FUT8: variants seen among roughly 807,000 people sequenced by gnomAD.
FUT8 encodes the protein fucosyltransferase 8.
A neutral mutation model predicts 71.3 loss-of-function variants in FUT8; 29 were observed. The ratio of observed to expected loss-of-function variants is 0.41; its 90% CI spans 0.30 to 0.55. The LOEUF (loss-of-function observed/expected upper bound fraction) is 0.55. FUT8 is among the 20% of genes least tolerant of loss of function. The pLI is 0.34. For missense variants in FUT8, 544 were observed against 702.1 expected, an observed-to-expected ratio of 0.77 and a Z score of 2.55; for synonymous variants, 254 against 239.3, an observed-to-expected ratio of 1.06 and a Z score of -0.57.
At chr14:65,457,087 A>G (rs958543037) in intron 2 of FUT8, among the ~76,000 whole-genome samples, 6 of 152,144 alleles carry the variant, frequency 3.9e-5, no homozygotes, top group Non-Finnish European at 8.8e-5. Flanking sequence ...AGTAAGGTTA[A>G]CTATAATCAC....
At chr14:65,616,753 T>TA (rs1301882092) in intron 5 of FUT8, among the ~76,000 whole-genome samples, 2 of 152,222 alleles carry the variant, frequency 1.3e-5, no homozygotes, top group African/African-American at 4.8e-5. Flanking sequence ...GTCCGATGGT[T>TA]ACATTTCTAA....
chr14:65,481,457 T>A (rs913859973), intron 2 of FUT8, among the ~76,000 whole-genome samples: 10 of 152,284 alleles, frequency 6.6e-5, no homozygotes, highest in Non-Finnish European at 1.2e-4. Flanking sequence ...GATTTTTTTT[T>A]AAAACAGCTT....
intron 3 of FUT8, among the ~76,000 whole-genome samples, chr14:65,610,685 A>G (rs1888841433): frequency 6.6e-6 from 1 of 151,888 alleles, no homozygotes; most frequent in Admixed American, 6.6e-5. Flanking sequence ...CACTGCACCC[A>G]GCCATTTCTG....
At chr14:65,386,836 AAT>A in the FUT8 span, among the ~76,000 whole-genome samples, 1 of 96,640 alleles carries the variant, frequency 1.0e-5, no homozygotes. Flanking sequence ...GTCTTCCTTT[AAT>A]TTTTTTTTTT....
intron 10 of FUT8, among the ~76,000 whole-genome samples, chr14:65,739,347 A>G (rs749862576): frequency 6.6e-6 from 1 of 152,080 alleles, no homozygotes; most frequent in Non-Finnish European, 1.5e-5. Context: ...AGTGTCTGAA[A>G]TCTCTACTAT....
chr14:65,538,388 T>A (rs574689596), intron 2 of FUT8, among the ~76,000 whole-genome samples: 18 of 152,304 alleles, frequency 1.2e-4, no homozygotes, highest in Admixed American at 5.9e-4. Context: ...TTCCTCTCTC[T>A]TCACATCAGC....
At chr14:65,402,638 C>T in the FUT8 span, among the ~76,000 whole-genome samples, 1 of 150,634 alleles carries the variant, frequency 6.6e-6, no homozygotes, top group Admixed American at 6.7e-5. Flanking sequence ...TGCACTCCAG[C>T]CTGGGTGACA....
chr14:65,392,984 A>G, the FUT8 span, among the ~76,000 whole-genome samples: 1 of 152,314 alleles, frequency 6.6e-6, no homozygotes, highest in African/African-American at 2.4e-5. Context: ...TTTAATGAGC[A>G]TCTGTATTTT....
rs1015995085 is a variant in FUT8, at chr14:65,643,671, C to T, written c.597+14065C>T. 1.2e-3 allele frequency among the ~76,000 whole-genome samples: 64 copies of T among 55,314 alleles called. 2 individuals are homozygous for T. In the South Asian group the frequency reaches 0.022, roughly 19 times the overall value. 36.3% of individuals were successfully genotyped at this position (55,314 alleles called of 152,430 possible). A position where few individuals can be genotyped will look rare whatever the true frequency, so the allele number is the denominator to read the frequency against. ...TCCGTCTTTAAAAAAAAAATACACA[C>T]ACACACACACACACACACACACACA... On this transcript the variant is annotated intron_variant, in intron 6 of 10. Transcript: ENST00000673929. This position sits in a 1 kb window ranked among gnomAD's most constrained non-coding sequence, Gnocchi z 4.5.
intron 7 of FUT8, among the ~76,000 whole-genome samples, chr14:65,699,076 T>C (rs1377872552): frequency 6.6e-6 from 1 of 151,820 alleles, no homozygotes; most frequent in Non-Finnish European, 1.5e-5. Context: ...ACAGCCCATC[T>C]AATAGAATCT....
chr14:65,718,804 A>G lies in FUT8; in HGVS notation c.836-2971A>G, dbSNP rs182619045. Among the ~76,000 whole-genome samples, 47 of 152,310 alleles carry G rather than the reference A, an allele frequency of 3.1e-4. No homozygotes were observed. The Middle Eastern group carries it at 0.02, about 66-fold the overall frequency. On this transcript the variant is annotated intron_variant, in intron 7 of 10. Coordinates refer to ENST00000673929, the MANE Select transcript of FUT8 (RefSeq NM_001371533.1). Reference sequence around the variant, plus strand: ...GTCATACCACTCTCTTTTGGCCTGTAATGTTTCCACTGAAAAGTCTGCTGT... The same window carrying G: ...GTCATACCACTCTCTTTTGGCCTGTGATGTTTCCACTGAAAAGTCTGCTGT...
the FUT8 span, among the ~76,000 whole-genome samples, chr14:65,394,012 A>C: frequency 6.6e-6 from 1 of 152,178 alleles, no homozygotes; most frequent in Non-Finnish European, 1.5e-5. Flanking sequence ...GCTGAAGTGC[A>C]ATGGCGCAAT....
intron 2 of FUT8, among the ~76,000 whole-genome samples, chr14:65,506,492 ATTTCC>A (rs2066736668): frequency 6.6e-6 from 1 of 152,190 alleles, no homozygotes; most frequent in Non-Finnish European, 1.5e-5. Flanking sequence ...ACTGTTTTTT[ATTTCC>A]TTAGGAAGAA....
At chr14:65,737,125 A>C (rs1247475976) in intron 10 of FUT8, among the ~76,000 whole-genome samples, 2 of 152,134 alleles carry the variant, frequency 1.3e-5, no homozygotes, top group Non-Finnish European at 2.9e-5. Flanking sequence ...TATCTCCCTC[A>C]GTCTCAGGAC....
chr14:65,481,532 G>C (rs1460648301), intron 2 of FUT8, among the ~76,000 whole-genome samples: 2 of 151,868 alleles, frequency 1.3e-5, no homozygotes, highest in Non-Finnish European at 2.9e-5. Context: ...GATTAGTTTT[G>C]ACATATGTAT....
In FUT8 at chr14:65,703,826, G is replaced by A. The variant is rs150791965; in HGVS notation, c.836-17949G>A. Reference sequence around the variant, plus strand: ...CCTGTTTTAGTAGGCTAAGATGTACGTCTGTTTTATCAGCAATTTGTACAG... The same window carrying A: ...CCTGTTTTAGTAGGCTAAGATGTACATCTGTTTTATCAGCAATTTGTACAG... On this transcript the variant is annotated intron_variant, in intron 7 of 10. Transcript: ENST00000673929. 7.4e-4 allele frequency among the ~76,000 whole-genome samples: 112 copies of A among 152,312 alleles called. 1 individual carries two copies. The highest frequency in any genetic ancestry group is 6.0e-3 in the East Asian group (31 of 5,194).
upstream of FUT8, chr14:65,411,829 A>G (rs2139337182): frequency 2.8e-6 from 1 of 351,028 alleles, no homozygotes; most frequent in Non-Finnish European, 5.6e-6. Context: ...CGCGGCGCGC[A>G]GCTCTGATTG....
chr14:65,534,119 C>CT (rs369058150), intron 2 of FUT8, among the ~76,000 whole-genome samples: 8 of 150,262 alleles, frequency 5.3e-5, no homozygotes, highest in Non-Finnish European at 8.9e-5. Flanking sequence ...AACAAAGGTA[C>CT]TTTTTTTTTG....
At chr14:65,692,310 C>T (rs1893663559) in intron 7 of FUT8, among the ~76,000 whole-genome samples, 1 of 150,064 alleles carries the variant, frequency 6.7e-6, no homozygotes, top group Non-Finnish European at 1.5e-5. Flanking sequence ...GGCGGCCAGG[C>T]AGAGGCGCCC....
Sources: gnomAD v4.1 joint callset for allele counts (sites outside exome capture counted in the v4.1 genomes callset) on GRCh38, gnomAD v4.1.1 for gene constraint, Gnocchi (gnomAD v3.1) non-coding constraint, MANE v1.5 for transcripts, NCBI Gene and HGNC (gene_info 2026-07-23, HGNC 2026-07-21) for gene names.